Variants in PRELID2 observed in about 807,000 individuals in gnomAD.
PRELID2 encodes PRELI domain containing 2.
Under a neutral mutation model 28.4 loss-of-function variants are expected in PRELID2, and 25 were observed. The observed-to-expected ratio is 0.88, with a 90% CI of 0.64 to 1.23. The LOEUF is 1.23. PRELID2 is among the 50% of genes most tolerant of loss of function. PRELID2 has a pLI of 0.00. For synonymous variants in PRELID2, 76 were observed against 71.6 expected (o/e 1.06, Z -0.31); for missense variants, 201 against 214.4 (o/e 0.94, Z 0.39).
intron 1 of PRELID2, among the ~76,000 whole-genome samples, chr5:145,557,042 C>A (rs576621195): frequency 1.3e-5 from 2 of 152,314 alleles, no homozygotes; most frequent in East Asian, 3.9e-4. Context: ...GTGTGATAAT[C>A]TAATCATCTA....
At chr5:145,703,647 A>G (rs1755469375) in intron 1 of PRELID2, among the ~76,000 whole-genome samples, 1 of 152,240 alleles carries the variant, frequency 6.6e-6, no homozygotes. Context: ...GGTCCATTAC[A>G]GTCTAATCCT....
At position 145,756,899 on chromosome 5, in the gene PRELID2, T is replaced by C. The variant is rs1339627862; in HGVS notation, c.*3637A>G. On this transcript the variant is annotated 3_prime_UTR_variant, in exon 7 of 7. Transcript: ENST00000683046. ...GGGAAAAGAAAAACTCTAAAAACCATGGTAGAACTCAAAGAGCAAATGTAT... is the reference window on the plus strand; with the variant it reads ...GGGAAAAGAAAAACTCTAAAAACCACGGTAGAACTCAAAGAGCAAATGTAT... 1.3e-5 allele frequency among the ~76,000 whole-genome samples: 2 copies of C among 152,054 alleles called. No homozygotes were observed. The highest frequency in any genetic ancestry group is 2.9e-5 in the Non-Finnish European group (2 of 67,998).
intron 1 of PRELID2, among the ~76,000 whole-genome samples, chr5:145,491,695 C>T (rs954534917): frequency 5.3e-5 from 8 of 151,972 alleles, no homozygotes; most frequent in Admixed American, 3.3e-4. Context: ...ACAAATATCT[C>T]TGTAACCCCC....
chr5:145,457,477 A>C, the PRELID2 span, among the ~76,000 whole-genome samples: 2 of 152,170 alleles, frequency 1.3e-5, no homozygotes, highest in Admixed American at 1.3e-4. Flanking sequence ...TTTTTCAAAG[A>C]CATGATTATG....
rs976304045 is a variant in PRELID2, at chr5:145,568,958, A to G, written n.71-95643T>C. Among the ~76,000 whole-genome samples, 3 of 152,374 alleles carry G rather than the reference A, an allele frequency of 2.0e-5. No individual in the cohort carries two copies. The East Asian group carries it at 5.8e-4, about 29-fold the overall frequency. ...TGCTGCCATCATAAAGAAACATGGC[A>G]GTCTGCTCCTTCTGGTCTATTGCTG... On this transcript the variant is annotated intron_variant and non_coding_transcript_variant, in intron 1 of 2. Coordinates refer to the PRELID2 transcript ENST00000510259.
intron 1 of PRELID2, among the ~76,000 whole-genome samples, chr5:145,710,677 G>T (rs1015660376): frequency 4.6e-5 from 7 of 152,220 alleles, no homozygotes; most frequent in Non-Finnish European, 1.0e-4. Flanking sequence ...TGTTCTTACT[G>T]TTCTACAAGA....
chr5:145,259,957 T>G, the PRELID2 span, among the ~76,000 whole-genome samples: 1 of 152,160 alleles, frequency 6.6e-6, no homozygotes, highest in Admixed American at 6.5e-5. Flanking sequence ...GATTGGATCA[T>G]GGGAGGGATT....
chr5:145,638,044 C>T (rs1754031139), intron 1 of PRELID2, among the ~76,000 whole-genome samples: 2 of 152,190 alleles, frequency 1.3e-5, no homozygotes, highest in Non-Finnish European at 2.9e-5. Flanking sequence ...CTCCTGACCT[C>T]AGGTGATGCC....
At chr5:145,337,768 C>T in the PRELID2 span, among the ~76,000 whole-genome samples, 5 of 134,920 alleles carry the variant, frequency 3.7e-5, no homozygotes, top group African/African-American at 8.5e-5. Context: ...CACACATACA[C>T]GTACATATAA....
chr5:145,441,632 T>G, the PRELID2 span, among the ~76,000 whole-genome samples: 15 of 152,114 alleles, frequency 9.9e-5, no homozygotes, highest in Non-Finnish European at 1.8e-4. Flanking sequence ...TTAATGGATA[T>G]GGGCTGATTT....
At chr5:145,827,560 A>G (rs992615193) in intron 1 of PRELID2, among the ~76,000 whole-genome samples, 3 of 152,200 alleles carry the variant, frequency 2.0e-5, no homozygotes, top group Non-Finnish European at 4.4e-5. Flanking sequence ...ATGGTTCCAA[A>G]CAAAGGCCAA....
the PRELID2 span, among the ~76,000 whole-genome samples, chr5:145,428,195 G>T: frequency 6.6e-6 from 1 of 152,086 alleles, no homozygotes; most frequent in East Asian, 1.9e-4. Context: ...TTGACCTCAG[G>T]TGTTCCATCC....
rs569678036 is a variant in PRELID2, at chr5:145,537,931, AT to A, written n.71-64617del. On this transcript the variant is annotated intron_variant and non_coding_transcript_variant, in intron 1 of 2. Transcript: ENST00000510259. ...CTTCCCCAGCCCAATACCACAGAGC[AT>A]TTCCCCTATGTTTTCTTCCAGGAAT... is the stretch of plus-strand genomic sequence containing the variant. Among the ~76,000 whole-genome samples, 77 of 151,822 alleles carry A rather than the reference AT, an allele frequency of 5.1e-4. No individual in the cohort carries two copies. In the South Asian group the frequency reaches 0.015, roughly 30 times the overall value.
At chr5:145,715,251 A>G (rs1345103854) in intron 1 of PRELID2, among the ~76,000 whole-genome samples, 1 of 152,076 alleles carries the variant, frequency 6.6e-6, no homozygotes, top group Non-Finnish European at 1.5e-5. Context: ...TCAAGCCAAA[A>G]ATCTAGAGGT....
At chr5:145,466,593 A>G in the PRELID2 span, among the ~76,000 whole-genome samples, 2 of 152,164 alleles carry the variant, frequency 1.3e-5, no homozygotes, top group Non-Finnish European at 2.9e-5. Flanking sequence ...TCCACTAAGT[A>G]AGAATGTAAA....
the PRELID2 span, among the ~76,000 whole-genome samples, chr5:145,327,455 T>C: frequency 6.6e-6 from 1 of 152,128 alleles, no homozygotes; most frequent in Non-Finnish European, 1.5e-5. Context: ...TTGGCTGCTA[T>C]TTGCATAGAA....
At chr5:145,389,319 G>A in the PRELID2 span, among the ~76,000 whole-genome samples, 1 of 152,050 alleles carries the variant, frequency 6.6e-6, no homozygotes, top group East Asian at 1.9e-4. Context: ...AGGGGCTTGT[G>A]AATGCTGTAA....
downstream of PRELID2, among the ~76,000 whole-genome samples, chr5:145,751,365 T>C (rs1225516133): frequency 6.6e-6 from 1 of 152,212 alleles, no homozygotes; most frequent in Admixed American, 6.5e-5. Context: ...ACGGCTTCTC[T>C]AACTTTTTCA....
chr5:145,260,736 C>T, the PRELID2 span, among the ~76,000 whole-genome samples: 1 of 152,184 alleles, frequency 6.6e-6, no homozygotes, highest in African/African-American at 2.4e-5. Flanking sequence ...ATGGACAAAG[C>T]AGCATGTGGA....
Sources: gnomAD v4.1 joint callset for allele counts (sites outside exome capture counted in the v4.1 genomes callset) on GRCh38, gnomAD v4.1.1 for gene constraint, MANE v1.5 for transcripts, NCBI Gene and HGNC (gene_info 2026-07-23, HGNC 2026-07-21) for gene names.